RAD51B: variants seen among roughly 807,000 people sequenced by gnomAD.
The protein encoded by RAD51B is DNA repair protein RAD51 homolog 2.
RAD51B carries 38 observed loss-of-function variants against 42.2 expected under a neutral mutation model. That is an observed-to-expected ratio of 0.90 (90% CI 0.70 to 1.18). The LOEUF is 1.18. Among genes scored for constraint, RAD51B ranks in the 50% most tolerant of loss-of-function variants. RAD51B has a pLI of 0.00. For synonymous variants in RAD51B, 154 were observed against 145.2 expected (o/e 1.06, Z -0.43); for missense variants, 373 against 400.7 (o/e 0.93, Z 0.59).
chr14:67,994,234 A>T (rs554415132), intron 7 of RAD51B, among the ~76,000 whole-genome samples: 1 of 151,588 alleles, frequency 6.6e-6, no homozygotes, highest in Non-Finnish European at 1.5e-5. Context: ...TTTTTTCAAG[A>T]AAAAAAAGCC....
intron 10 of RAD51B, among the ~76,000 whole-genome samples, chr14:68,488,665 C>T (rs375436560): frequency 2.0e-5 from 3 of 152,336 alleles, no homozygotes; most frequent in South Asian, 4.1e-4. Flanking sequence ...AATTTTTCAT[C>T]CACTGACATC....
chr14:68,408,893 G>T (rs1017082076), intron 8 of RAD51B, among the ~76,000 whole-genome samples: 1 of 151,950 alleles, frequency 6.6e-6, no homozygotes, highest in Non-Finnish European at 1.5e-5. Flanking sequence ...ATGAATTCTC[G>T]AACTCACCAC....
chr14:67,903,077 T>C (rs2043664828), intron 7 of RAD51B, among the ~76,000 whole-genome samples: 1 of 152,066 alleles, frequency 6.6e-6, no homozygotes. Context: ...AGGCTGGTTT[T>C]AAACTCCTGA....
intron 8 of RAD51B, among the ~76,000 whole-genome samples, chr14:68,325,241 T>C (rs1437862169): frequency 2.6e-5 from 4 of 152,192 alleles, no homozygotes; most frequent in South Asian, 2.1e-4. Flanking sequence ...TTTTTGAGGG[T>C]TAAATGCATT....
At chr14:68,453,230 G>C (rs1342016214) in intron 9 of RAD51B, among the ~76,000 whole-genome samples, 3 of 152,180 alleles carry the variant, frequency 2.0e-5, no homozygotes, top group Non-Finnish European at 4.4e-5. Flanking sequence ...TTGAAATTAT[G>C]TCTGTATGAT....
chr14:68,267,614 A>G (rs1261789745), intron 7 of RAD51B, among the ~76,000 whole-genome samples: 1 of 152,210 alleles, frequency 6.6e-6, no homozygotes, highest in Non-Finnish European at 1.5e-5. Context: ...CTCCCATAGT[A>G]TGTATAGAGA....
At chr14:68,655,787 G>C (rs1036425662) in intron 11 of RAD51B, among the ~76,000 whole-genome samples, 1 of 152,230 alleles carries the variant, frequency 6.6e-6, no homozygotes, top group Non-Finnish European at 1.5e-5. Context: ...GAGGTGGGAC[G>C]TGAGGAACAC....
At chr14:67,991,372 T>C (rs145639591) in intron 7 of RAD51B, among the ~76,000 whole-genome samples, 1 of 152,202 alleles carries the variant, frequency 6.6e-6, no homozygotes, top group Non-Finnish European at 1.5e-5. Flanking sequence ...TAAAAAAACT[T>C]TGTGGAGATT....
chr14:68,567,790 C>G (rs987701035), intron 10 of RAD51B, among the ~76,000 whole-genome samples: 2 of 152,334 alleles, frequency 1.3e-5, no homozygotes, highest in Non-Finnish European at 2.9e-5. Flanking sequence ...GAAGAACACC[C>G]TTGGCTGTGC....
intron 8 of RAD51B, among the ~76,000 whole-genome samples, chr14:68,330,163 C>T (rs1363380980): frequency 6.6e-6 from 1 of 152,120 alleles, no homozygotes; most frequent in African/African-American, 2.4e-5. Flanking sequence ...ATTCAGCTGC[C>T]ATGCCTAGGT....
At chr14:68,156,517 A>T (rs1056925000) in intron 7 of RAD51B, among the ~76,000 whole-genome samples, 2 of 139,056 alleles carry the variant, frequency 1.4e-5, no homozygotes, top group South Asian at 4.5e-4. Flanking sequence ...AACTGACAGT[A>T]GCATATCTTG....
chr14:68,130,699 A>G (rs2077871249), intron 7 of RAD51B, among the ~76,000 whole-genome samples: 1 of 152,226 alleles, frequency 6.6e-6, no homozygotes, highest in African/African-American at 2.4e-5. Context: ...TTTCTGAACT[A>G]AAGTAAGAAT....
chr14:68,160,835 G>A lies in RAD51B; in HGVS notation c.757-131049G>A, dbSNP rs147238953. Among the ~76,000 whole-genome samples the A allele has an allele frequency of 8.7e-4, 133 of 152,258 alleles. 1 individual carries two copies. The highest frequency in any genetic ancestry group is 3.0e-3 in the African/African-American group (123 of 41,550). On this transcript the variant is annotated intron_variant, in intron 7 of 10. Coordinates refer to ENST00000471583, the MANE Select transcript of RAD51B (RefSeq NM_133510.4). ...TATTGGCCACTTACAAACAATGGTG[G>A]CAAACAAACCAGAATCTGCAAGTGC...
chr14:68,332,503 G>A (rs1202718489), intron 8 of RAD51B, among the ~76,000 whole-genome samples: 1 of 152,184 alleles, frequency 6.6e-6, no homozygotes, highest in African/African-American at 2.4e-5. Flanking sequence ...TCTATAGGGT[G>A]CATGGCTCTT....
chr14:68,311,258 C>G (rs1004828324), intron 8 of RAD51B, among the ~76,000 whole-genome samples: 2 of 151,856 alleles, frequency 1.3e-5, no homozygotes, highest in Non-Finnish European at 2.9e-5. Context: ...CCTTTTTTCC[C>G]TCATCTCTTG....
chr14:67,880,146 A>AT (rs1295522384), intron 5 of RAD51B, among the ~76,000 whole-genome samples: 1 of 152,232 alleles, frequency 6.6e-6, no homozygotes, highest in African/African-American at 2.4e-5. Flanking sequence ...AACAAAAAGT[A>AT]TTTAAGTATT....
intron 7 of RAD51B, among the ~76,000 whole-genome samples, chr14:67,934,440 A>G (rs1042789196): frequency 3.9e-5 from 6 of 152,162 alleles, no homozygotes; most frequent in Non-Finnish European, 8.8e-5. Flanking sequence ...AGTGGTATTT[A>G]TGGCATTTGT....
intron 10 of RAD51B, among the ~76,000 whole-genome samples, chr14:68,516,063 G>A (rs1886133308): frequency 6.6e-6 from 1 of 152,112 alleles, no homozygotes; most frequent in Admixed American, 6.5e-5. Flanking sequence ...AGGATTACGG[G>A]CGTGAGCCAC....
chr14:68,417,101 G>A (rs2084580360), intron 9 of RAD51B, among the ~76,000 whole-genome samples: 1 of 152,178 alleles, frequency 6.6e-6, no homozygotes, highest in African/African-American at 2.4e-5. Flanking sequence ...GTAAGTCATA[G>A]TTGTATATCT....
Sources: gnomAD v4.1 joint callset for allele counts (sites outside exome capture counted in the v4.1 genomes callset) on GRCh38, gnomAD v4.1.1 for gene constraint, MANE v1.5 for transcripts, NCBI Gene and HGNC (gene_info 2026-07-23, HGNC 2026-07-21) for gene names.